The following STK31 variants were observed in gnomAD, a reference collection of about 807,000 sequenced individuals.
STK31 encodes the protein serine/threonine-protein kinase 31.
In STK31, 89 loss-of-function variants were observed where a neutral mutation model predicts 129.7. The ratio of observed to expected loss-of-function variants is 0.69; its 90% CI spans 0.58 to 0.82. STK31 has a LOEUF of 0.82. Ranked by LOEUF, STK31 falls within the 40% of genes least tolerant of loss-of-function variation. STK31 has a pLI of 0.00. For synonymous variants in STK31, 448 were observed against 395.3 expected, an observed-to-expected ratio of 1.13 and a Z score of -1.58; for missense variants, 1,187 against 1,176.4, an observed-to-expected ratio of 1.01 and a Z score of -0.13.
intron 8 of STK31, among the ~76,000 whole-genome samples, chr7:23,749,711 T>C (rs1788580049): frequency 1.3e-5 from 2 of 152,148 alleles, no homozygotes; most frequent in East Asian, 3.9e-4. Flanking sequence ...TTGGTTTAAA[T>C]ATGTCTTTAA....
intron 23 of STK31, among the ~76,000 whole-genome samples, chr7:23,830,592 T>TTGTGTGTGTGTG (rs3034048): frequency 0.037 from 5,197 of 142,154 alleles, 242 homozygotes; most frequent in African/African-American, 0.1. Context: ...AATTTCCATG[T>TTGTGTGTGTGTG]TGTGTGTGTG....
At chr7:23,802,169 G>A (rs1380665970) in intron 22 of STK31, among the ~76,000 whole-genome samples, 1 of 152,174 alleles carries the variant, frequency 6.6e-6, no homozygotes, top group Non-Finnish European at 1.5e-5. Context: ...GCAGCCCTGA[G>A]TTTACAAAAT....
chr7:23,729,163 G>A lies in STK31; in HGVS notation c.397G>A (p.Glu133Lys), dbSNP rs554301624. ...ATCTGATATAGTTGAAATTCCTTTG[G>A]AGCTGCAGTTTTCTAGTGTTGCCAA... ...NRSDIVEIPL[E>K]LQFSSVAKKY... The change falls in exon 6 of 24, where the codon GAG becomes AAG. Residue 133 changes from glutamate (E) to lysine (K), a missense_variant. Transcript: ENST00000355870. The A allele has an allele frequency of 2.5e-6, 4 of 1,611,882 alleles. No homozygotes were observed. The highest frequency in any genetic ancestry group is 3.9e-4 in the Middle Eastern group (2 of 5,162).
chr7:23,759,275 T>G (rs1054139154), intron 10 of STK31, among the ~76,000 whole-genome samples: 3 of 152,210 alleles, frequency 2.0e-5, no homozygotes, highest in Non-Finnish European at 4.4e-5. Context: ...CTCTATCAAG[T>G]GGACCTGATA....
At chr7:23,807,900 A>G (rs534998094) in intron 22 of STK31, among the ~76,000 whole-genome samples, 132 of 151,740 alleles carry the variant, frequency 8.7e-4, no homozygotes, top group Non-Finnish European at 1.4e-3. Context: ...TCTTTTTTAT[A>G]TCTTCTGTCT....
chr7:23,729,806 A>T (rs1787296242), intron 6 of STK31, among the ~76,000 whole-genome samples: 1 of 152,140 alleles, frequency 6.6e-6, no homozygotes, highest in South Asian at 2.1e-4. Context: ...CACTGCGCCC[A>T]GCCAAGGATA....
At chr7:23,768,417 AT>A (rs1450736825) in intron 11 of STK31, among the ~76,000 whole-genome samples, 2 of 152,210 alleles carry the variant, frequency 1.3e-5, no homozygotes, top group Non-Finnish European at 2.9e-5. Flanking sequence ...GTCCATATAT[AT>A]GTTTAATGTC....
At chr7:23,803,254 T>A (rs994092585) in intron 22 of STK31, among the ~76,000 whole-genome samples, 11 of 149,124 alleles carry the variant, frequency 7.4e-5, no homozygotes, top group Admixed American at 6.7e-4. Flanking sequence ...AAAGTCAAGA[T>A]CCAAGGGCTG....
At chr7:23,754,163 A>C in intron 9 of STK31, 152 bp from the exon 10 acceptor site, 1 of 546,974 alleles carries the variant, frequency 1.8e-6, no homozygotes, top group East Asian at 3.2e-5. Flanking sequence ...AAAATAAGTT[A>C]TACATGATTT....
intron 22 of STK31, among the ~76,000 whole-genome samples, chr7:23,802,509 G>A (rs1233646379): frequency 6.6e-6 from 1 of 152,050 alleles, no homozygotes; most frequent in African/African-American, 2.4e-5. Flanking sequence ...GCGCCAAGAA[G>A]CTTTATGGGG....
chr7:23,735,794 C>T lies in STK31; in HGVS notation c.740C>T (p.Ser247Leu). The T allele has an allele frequency of 1.2e-6, 2 of 1,614,158 alleles. No individual in the cohort carries two copies. The highest frequency in any genetic ancestry group is 8.5e-7 in the Non-Finnish European group (1 of 1,180,024). ...KSPIPLWGHRSNQSTFSRPKG... is the reference protein window; with the variant it reads ...KSPIPLWGHRLNQSTFSRPKG... ...CCCATTCCTTTGTGGGGGCATAGATCAAACCAGTCAACCTTCAGCAGGCCC... is the reference window on the plus strand; with the variant it reads ...CCCATTCCTTTGTGGGGGCATAGATTAAACCAGTCAACCTTCAGCAGGCCC... The change falls in exon 7 of 24, where the codon TCA becomes TTA. Residue 247 changes from serine to leucine, a missense_variant. This residue lies in a region of STK31 where 975 missense variants were observed against 934.9 expected (regional missense o/e 1.04). Transcript: ENST00000355870.
At chr7:23,722,735 C>G (rs1189358673) in intron 4 of STK31, 1 of 152,556 alleles carries the variant, frequency 6.6e-6, no homozygotes, top group Non-Finnish European at 1.5e-5. Context: ...TGGGCCCCAC[C>G]CAGTTCAAGC....
At chr7:23,749,699 A>T (rs1253432790) in intron 8 of STK31, among the ~76,000 whole-genome samples, 2 of 152,106 alleles carry the variant, frequency 1.3e-5, no homozygotes, top group Non-Finnish European at 2.9e-5. Context: ...GTAAAAAAGC[A>T]ATTGGTTTAA....
intron 10 of STK31, among the ~76,000 whole-genome samples, chr7:23,756,995 C>T (rs1789128005): frequency 6.6e-6 from 1 of 152,078 alleles, no homozygotes; most frequent in South Asian, 2.1e-4. Context: ...CAGGATAATG[C>T]TGGCTTCATA....
chr7:23,750,742 T>A (rs1187084195), intron 8 of STK31, among the ~76,000 whole-genome samples: 1 of 152,210 alleles, frequency 6.6e-6, no homozygotes, highest in Non-Finnish European at 1.5e-5. Context: ...ACATTTTATT[T>A]TTTTCTTGGT....
intron 8 of STK31, among the ~76,000 whole-genome samples, chr7:23,738,981 G>C (rs1787889287): frequency 6.6e-6 from 1 of 152,088 alleles, no homozygotes; most frequent in African/African-American, 2.4e-5. Flanking sequence ...TAATCCTTTG[G>C]GTATATACCC....
intron 23 of STK31, among the ~76,000 whole-genome samples, chr7:23,819,963 G>A (rs1793705367): frequency 6.6e-6 from 1 of 152,136 alleles, no homozygotes; most frequent in Admixed American, 6.6e-5. Flanking sequence ...ACTAGATGAA[G>A]AAATTTACCC....
intron 11 of STK31, 58 bp from the exon 12 acceptor site, chr7:23,768,937 T>A (rs912659313): frequency 2.2e-5 from 31 of 1,409,230 alleles, no homozygotes; most frequent in Non-Finnish European, 2.8e-5. Flanking sequence ...CCTAACACAG[T>A]GCTCGAATCC....
chr7:23,737,831 T>TC (rs1229816419), intron 8 of STK31, among the ~76,000 whole-genome samples: 5 of 151,538 alleles, frequency 3.3e-5, no homozygotes, highest in Admixed American at 6.6e-5. Flanking sequence ...TCAGAAATTT[T>TC]CCCCCCCAGG....
Sources: gnomAD v4.1 joint callset for allele counts (sites outside exome capture counted in the v4.1 genomes callset) on GRCh38, gnomAD v4.1.1 for gene constraint, gnomAD v4.1.1 regional missense constraint, MANE v1.5 for transcripts, NCBI Gene and HGNC (gene_info 2026-07-23, HGNC 2026-07-21) for gene names.